BICC1: variants seen among roughly 807,000 people sequenced by gnomAD.
BICC1 encodes the protein BicC family RNA binding protein 1.
A neutral mutation model predicts 111.0 loss-of-function variants in BICC1; 43 were observed. That is an observed-to-expected ratio of 0.39 (90% CI 0.30 to 0.50). The LOEUF is 0.50. Ranked by LOEUF, BICC1 falls within the 20% of genes least tolerant of loss-of-function variation. The pLI is 0.88. For missense variants in BICC1, 1,091 were observed against 1,203.2 expected, an observed-to-expected ratio of 0.91 and a Z score of 1.38; for synonymous variants, 467 against 434.4, an observed-to-expected ratio of 1.07 and a Z score of -0.93.
intron 2 of BICC1, among the ~76,000 whole-genome samples, chr10:58,676,734 C>A (rs1407836173): frequency 1.3e-5 from 2 of 152,178 alleles, no homozygotes; most frequent in African/African-American, 4.8e-5. Flanking sequence ...GTCTCTGACC[C>A]CCCCGTGCCT....
At chr10:58,643,876 A>G (rs914491214) in intron 2 of BICC1, among the ~76,000 whole-genome samples, 6 of 152,152 alleles carry the variant, frequency 3.9e-5, no homozygotes, top group Admixed American at 2.6e-4. Flanking sequence ...TTAATTACCT[A>G]ATGAGACACT....
intron 1 of BICC1, among the ~76,000 whole-genome samples, chr10:58,570,006 C>T (rs1272912509): frequency 1.3e-5 from 2 of 152,210 alleles, no homozygotes; most frequent in African/African-American, 4.8e-5. Flanking sequence ...ACACTCCCAA[C>T]AACAGTGTAA....
intron 1 of BICC1, among the ~76,000 whole-genome samples, chr10:58,589,263 A>G (rs1341080720): frequency 6.6e-6 from 1 of 152,146 alleles, no homozygotes; most frequent in Non-Finnish European, 1.5e-5. Context: ...CACCTTCTGC[A>G]TAAATGACTT....
intron 2 of BICC1, among the ~76,000 whole-genome samples, chr10:58,664,949 C>G (rs551062819): frequency 2.0e-3 from 311 of 152,234 alleles, no homozygotes; most frequent in African/African-American, 7.0e-3. Context: ...GGATGGATTG[C>G]TGCTGCTACA....
intron 3 of BICC1, among the ~76,000 whole-genome samples, chr10:58,759,891 G>A (rs1307103890): frequency 2.0e-5 from 3 of 151,712 alleles, no homozygotes; most frequent in Non-Finnish European, 2.9e-5. Flanking sequence ...CCTGGGAGGC[G>A]GAGCTTGCAG....
At position 58,813,901 on chromosome 10, in the gene BICC1, G is replaced by C. The variant is rs1843996469; in HGVS notation, c.2448G>C (p.Trp816Cys). 6.2e-7 allele frequency: 1 copy of C among 1,614,030 alleles called. No individual in the cohort carries two copies. The highest frequency in any genetic ancestry group is 1.3e-5 in the African/African-American group (1 of 75,048). Reference protein sequence around the residue: ...HLGGGSESDNWRDRNGIGPGS... With the variant: ...HLGGGSESDNCRDRNGIGPGS... ...GAGGTGGAAGCGAATCTGATAACTG[G>C]AGAGACCGAAATGGAATTGGACCTG... Residue 816 changes from tryptophan to cysteine, a missense_variant, in exon 18 of 21, where the codon TGG becomes TGC. Transcript: ENST00000373886.
At chr10:58,622,907 C>T (rs190227900) in intron 2 of BICC1, among the ~76,000 whole-genome samples, 2 of 152,320 alleles carry the variant, frequency 1.3e-5, no homozygotes, top group African/African-American at 4.8e-5. Context: ...GTATTTTTCT[C>T]TCTCTAAAAT....
chr10:58,803,919 G>A (rs770457513), intron 15 of BICC1, among the ~76,000 whole-genome samples: 42 of 152,254 alleles, frequency 2.8e-4, no homozygotes, highest in Admixed American at 1.2e-3. Flanking sequence ...TGTGCTTTTA[G>A]AGATGCCTAC....
intron 1 of BICC1, among the ~76,000 whole-genome samples, chr10:58,607,786 T>C (rs1166482270): frequency 6.6e-6 from 1 of 152,212 alleles, no homozygotes; most frequent in East Asian, 1.9e-4. Flanking sequence ...TGCTGATACA[T>C]TTCATAGTGA....
At chr10:58,789,202 A>C in intron 6 of BICC1, 60 bp from the exon 7 acceptor site, 1 of 1,383,418 alleles carries the variant, frequency 7.2e-7, no homozygotes, top group Non-Finnish European at 1.0e-6. Context: ...TGAATGATAC[A>C]CATGTCTGAA....
At chr10:58,643,815 C>G (rs1467752187) in intron 2 of BICC1, among the ~76,000 whole-genome samples, 2 of 152,178 alleles carry the variant, frequency 1.3e-5, no homozygotes, top group Non-Finnish European at 2.9e-5. Context: ...AAATTAGTGG[C>G]TCTGGAAGAT....
At chr10:58,595,716 T>C (rs1844789454) in intron 1 of BICC1, among the ~76,000 whole-genome samples, 1 of 152,018 alleles carries the variant, frequency 6.6e-6, no homozygotes, top group African/African-American at 2.4e-5. Context: ...TTTAAAGCAG[T>C]GTGTAGAGGG....
intron 2 of BICC1, among the ~76,000 whole-genome samples, chr10:58,676,147 A>G (rs1056231704): frequency 9.9e-5 from 15 of 152,148 alleles, no homozygotes; most frequent in Non-Finnish European, 4.4e-5. Flanking sequence ...GAGATTCCCT[A>G]GGGTGCCTAC....
intron 1 of BICC1, among the ~76,000 whole-genome samples, chr10:58,572,046 A>G (rs1008236724): frequency 6.6e-6 from 1 of 152,028 alleles, no homozygotes; most frequent in Non-Finnish European, 1.5e-5. Context: ...GTGTGAGATG[A>G]TATCTCATCG....
At chr10:58,810,305 C>T (rs1441398608) in intron 17 of BICC1, among the ~76,000 whole-genome samples, 1 of 152,144 alleles carries the variant, frequency 6.6e-6, no homozygotes, top group East Asian at 1.9e-4. Context: ...CTAGCCTGCC[C>T]CATCATCCTG....
chr10:58,718,798 GTGCTTA>G (rs1840842184), intron 3 of BICC1, among the ~76,000 whole-genome samples: 3 of 148,294 alleles, frequency 2.0e-5, no homozygotes, highest in African/African-American at 7.9e-5. Context: ...GCACGCCCGC[GTGCTTA>G]TGGGTATGTG....
chr10:58,680,480 C>T (rs1839483559), intron 2 of BICC1, among the ~76,000 whole-genome samples: 1 of 152,090 alleles, frequency 6.6e-6, no homozygotes, highest in Non-Finnish European at 1.5e-5. Flanking sequence ...ATGTGAAGGA[C>T]CTCTTCAAGG....
intron 2 of BICC1, among the ~76,000 whole-genome samples, chr10:58,638,023 G>A (rs1284607840): frequency 6.6e-6 from 1 of 152,198 alleles, no homozygotes; most frequent in Non-Finnish European, 1.5e-5. Flanking sequence ...GTAGTGGAAT[G>A]AAGTGGATTT....
At chr10:58,736,019 AT>A (rs2132579355) in intron 3 of BICC1, among the ~76,000 whole-genome samples, 1 of 152,222 alleles carries the variant, frequency 6.6e-6, no homozygotes, top group Non-Finnish European at 1.5e-5. Flanking sequence ...AAGTATCACG[AT>A]TACCTACGAA....
Sources: allele counts gnomAD v4.1 joint callset (sites outside exome capture counted in the v4.1 genomes callset), GRCh38; gene constraint gnomAD v4.1.1; transcripts MANE v1.5; gene names NCBI Gene and HGNC (gene_info 2026-07-23, HGNC 2026-07-21).